Variants in ATXN2 observed in about 807,000 individuals in gnomAD.
ATXN2 encodes the protein ataxin-2.
A neutral mutation model predicts 138.6 loss-of-function variants in ATXN2; 37 were observed. That is an observed-to-expected ratio of 0.27 (90% CI 0.21 to 0.35). The LOEUF (loss-of-function observed/expected upper bound fraction) is 0.35. Ranked by LOEUF, ATXN2 falls within the 10% of genes least tolerant of loss-of-function variation. ATXN2 has a pLI of 1.00. For synonymous variants in ATXN2, 549 were observed against 543.7 expected (o/e 1.01, Z -0.13); for missense variants, 1,216 against 1,480.3 (o/e 0.82, Z 2.93).
At position 111,489,598 on chromosome 12, in the gene ATXN2, C is replaced by T. The variant is rs139537266; in HGVS notation, c.1936-818G>A. Among the ~76,000 whole-genome samples, 66 of 144,904 alleles carry T rather than the reference C, an allele frequency of 4.6e-4. 1 individual carries two copies. The highest frequency in any genetic ancestry group is 1.7e-3 in the African/African-American group (64 of 37,724). On this transcript the variant is annotated intron_variant, in intron 14 of 24. Transcript: ENST00000673436. ...CTGCACTCCAGCCTGGGTGACAGAG[C>T]GAGACTCCGTCTCAAAAAAAAAAAA...
intron 1 of ATXN2, among the ~76,000 whole-genome samples, chr12:111,596,206 ACAC>A (rs1280144901): frequency 5.9e-3 from 7 of 1,184 alleles, no homozygotes; most frequent in Non-Finnish European, 9.1e-3. Context: ...TCCATCCAAA[ACAC>A]ACACACACAC....
intron 14 of ATXN2, among the ~76,000 whole-genome samples, chr12:111,501,674 A>C (rs986853957): frequency 7.9e-5 from 12 of 152,204 alleles, no homozygotes; most frequent in Non-Finnish European, 1.6e-4. Flanking sequence ...GCACACTGGC[A>C]ATTTAAGTCA....
intron 1 of ATXN2, among the ~76,000 whole-genome samples, chr12:111,597,198 GC>G (rs35393174): frequency 6.6e-6 from 1 of 152,096 alleles, no homozygotes; most frequent in African/African-American, 2.4e-5. Flanking sequence ...GACTGTTTCC[GC>G]CCCCTTTGAA....
chr12:111,463,168 T>G (rs1038373273), intron 21 of ATXN2, among the ~76,000 whole-genome samples: 1 of 152,192 alleles, frequency 6.6e-6, no homozygotes, highest in African/African-American at 2.4e-5. Flanking sequence ...AAAATTTGAA[T>G]CCTTAATATC....
intron 1 of ATXN2, among the ~76,000 whole-genome samples, chr12:111,596,187 G>C (rs1158352232): frequency 2.0e-5 from 3 of 148,038 alleles, no homozygotes; most frequent in African/African-American, 7.5e-5. Context: ...CTGGGCGACA[G>C]AGTGAGATTC....
At chr12:111,589,138 AACCC>A (rs1452373207) in intron 1 of ATXN2, among the ~76,000 whole-genome samples, 32 of 150,544 alleles carry the variant, frequency 2.1e-4, no homozygotes, top group Non-Finnish European at 4.1e-4. Context: ...AACATGATGA[AACCC>A]CATCTCTACT....
At chr12:111,466,194 T>A (rs1354261221) in intron 20 of ATXN2, among the ~76,000 whole-genome samples, 51 of 117,350 alleles carry the variant, frequency 4.3e-4, no homozygotes, top group African/African-American at 6.8e-4. Flanking sequence ...AAAAAATAAA[T>A]AAAAAATAAA....
intron 1 of ATXN2, among the ~76,000 whole-genome samples, chr12:111,573,808 T>G (rs1180649883): frequency 1.3e-5 from 2 of 151,874 alleles, no homozygotes. Flanking sequence ...GACATAACAT[T>G]TATTACCTAA....
At position 111,503,556 on chromosome 12, in the gene ATXN2, T is replaced by C. The variant is rs770397256; in HGVS notation, c.1935+5993A>G. The stretch of plus-strand genomic sequence containing the variant: ...ATTAGAAAGTTCACTCTTTTATTTT[T>C]TTTTAATTAAAATTTAAGTTCTGGG... On this transcript the variant is annotated intron_variant, in intron 14 of 24. Transcript: ENST00000673436. 4.0e-4 allele frequency among the ~76,000 whole-genome samples: 61 copies of C among 152,298 alleles called. 1 individual carries two copies. The highest frequency in any genetic ancestry group is 3.4e-3 in the Middle Eastern group (1 of 294).
chr12:111,453,456 G>A lies in ATXN2; in HGVS notation c.3439+221C>T. The A allele has an allele frequency of 7.8e-7, 1 of 1,278,420 alleles. No individual in the cohort carries two copies. Among genetic ancestry groups the A allele is most frequent in the Non-Finnish European group, 9.9e-7 (1 of 1,014,252 alleles). 79.2% of individuals were successfully genotyped at this position (1,278,420 alleles called of 1,614,324 possible). On this transcript the variant is annotated intron_variant, in intron 24 of 24. Transcript: ENST00000673436. The surrounding 1 kb of genome is among the most constrained non-coding windows in gnomAD (Gnocchi z 5.4). Reference sequence around the variant, plus strand: ...TGCTGCTGCTGCTGCTTCTCATCAAGCCAAATCCTGTATACCATCAGAACA... The same window carrying A: ...TGCTGCTGCTGCTGCTTCTCATCAAACCAAATCCTGTATACCATCAGAACA...
intron 1 of ATXN2, among the ~76,000 whole-genome samples, chr12:111,584,892 C>T (rs1014518062): frequency 2.6e-5 from 4 of 152,004 alleles, no homozygotes; most frequent in Non-Finnish European, 4.4e-5. Context: ...TCACTTGAAC[C>T]CGGGAGGCAG....
In ATXN2 at chr12:111,491,023, G is replaced by A. The variant is rs536062609; in HGVS notation, c.1936-2243C>T. Among the ~76,000 whole-genome samples, 7 of 152,114 alleles carry A rather than the reference G, an allele frequency of 4.6e-5. No homozygotes were observed. In the South Asian group the frequency reaches 1.5e-3, roughly 32 times the overall value. ...TCCCAGCACTTTGGGAGGCCGAGGC[G>A]GACGGATAACCTGAGGTCGGGAGTT... On this transcript the variant is annotated intron_variant, in intron 14 of 24. Coordinates refer to ENST00000673436, the MANE Select transcript of ATXN2 (RefSeq NM_001372574.1).
chr12:111,544,725 C>A (rs781218506), intron 5 of ATXN2, among the ~76,000 whole-genome samples: 2 of 152,060 alleles, frequency 1.3e-5, no homozygotes, highest in Non-Finnish European at 2.9e-5. Context: ...ATAAAAAATA[C>A]AGAAGAGGAA....
At chr12:111,460,037 AT>A (rs1326559490) in intron 21 of ATXN2, among the ~76,000 whole-genome samples, 2 of 151,986 alleles carry the variant, frequency 1.3e-5, no homozygotes, top group Non-Finnish European at 2.9e-5. Flanking sequence ...TTTTTGAATA[AT>A]AAAAAAGCCA....
chr12:111,540,813 G>GC (rs1413014365), intron 5 of ATXN2, among the ~76,000 whole-genome samples: 2 of 147,864 alleles, frequency 1.4e-5, no homozygotes, highest in Non-Finnish European at 3.0e-5. Context: ...TCCTGCCTTA[G>GC]CCTCCTGAGT....
rs1043117851 is a variant in ATXN2, at chr12:111,535,869, G to A, written c.572-10553C>T. Among the ~76,000 whole-genome samples, 42 of 150,502 alleles carry A rather than the reference G, an allele frequency of 2.8e-4. No homozygotes were observed. In the East Asian group the frequency reaches 6.5e-3, roughly 23 times the overall value. On this transcript the variant is annotated intron_variant, in intron 5 of 24. Coordinates refer to ENST00000673436, the MANE Select transcript of ATXN2 (RefSeq NM_001372574.1). ...CAAAAAATTAGCCGGGCGTAGTGGC[G>A]GGCGCCTGTAGTCCCAGCTACTTGG...
chr12:111,537,569 T>G lies in ATXN2; in HGVS notation c.572-12253A>C, dbSNP rs561734272. On this transcript the variant is annotated intron_variant, in intron 5 of 24. Transcript: ENST00000673436. ...CTGCGCTCCAGCCTGGGCGACACAG[T>G]GAGACTCTGTTTCAAAAAAAAAAAA... 2.4e-3 allele frequency among the ~76,000 whole-genome samples: 345 copies of G among 145,484 alleles called. 2 individuals are homozygous for G. Among genetic ancestry groups the G allele is most frequent in the Non-Finnish European group, 2.9e-3 (196 of 67,280 alleles).
chr12:111,599,621 G>A (rs1219818385), upstream of ATXN2: 2 of 1,078,502 alleles, frequency 1.9e-6, no homozygotes. Context: ...GGTGGCCCCG[G>A]GGCCGGGAGG....
chr12:111,506,925 C>T (rs1167552589), intron 14 of ATXN2, among the ~76,000 whole-genome samples: 8 of 152,264 alleles, frequency 5.3e-5, no homozygotes, highest in South Asian at 2.1e-4. Flanking sequence ...CTCGGCCTCC[C>T]GAGGTGCCGG....
Sources: allele counts gnomAD v4.1 joint callset (sites outside exome capture counted in the v4.1 genomes callset), GRCh38; gene constraint gnomAD v4.1.1; non-coding constraint Gnocchi (gnomAD v3.1); transcripts MANE v1.5; gene names NCBI Gene and HGNC (gene_info 2026-07-23, HGNC 2026-07-21).